NIPA2: variants seen among roughly 807,000 people sequenced by gnomAD.
NIPA2 encodes magnesium transporter NIPA2.
Under a neutral mutation model 29.7 loss-of-function variants are expected in NIPA2, and 11 were observed. The observed-to-expected ratio is 0.37, with a 90% confidence interval of 0.23 to 0.61. The LOEUF is 0.61. NIPA2 is among the 20% of genes least tolerant of loss of function. The pLI, the probability that NIPA2 is intolerant of heterozygous loss-of-function variation, is 0.66. For missense variants in NIPA2, 426 were observed against 437.9 expected (o/e 0.97, Z 0.24); for synonymous variants, 183 against 161.9 (o/e 1.13, Z -0.99).
intron 2 of NIPA2, among the ~76,000 whole-genome samples, chr15:22,840,574 A>G (rs1378451503): frequency 6.6e-6 from 1 of 152,154 alleles, no homozygotes; most frequent in East Asian, 1.9e-4. Flanking sequence ...TGCTGGGATT[A>G]CAGGCGTGAG....
intron 7 of NIPA2, among the ~76,000 whole-genome samples, chr15:22,865,840 T>C (rs890517229): frequency 2.0e-5 from 3 of 151,856 alleles, no homozygotes; most frequent in African/African-American, 7.3e-5. Flanking sequence ...GTGTTTTTTG[T>C]TTTTTTTAGC....
chr15:22,861,476 C>G (rs758292213), intron 7 of NIPA2, among the ~76,000 whole-genome samples: 1 of 152,076 alleles, frequency 6.6e-6, no homozygotes, highest in Non-Finnish European at 1.5e-5. Context: ...TGGTGTCACT[C>G]TAGAGGAGAC....
In NIPA2 at chr15:22,866,478, G is replaced by A; in HGVS notation, c.714G>A (p.Arg238=). 1 of 1,613,846 alleles carries A rather than the reference G, an allele frequency of 6.2e-7. No individual in the cohort carries two copies. The highest frequency in any genetic ancestry group is 8.5e-7 in the Non-Finnish European group (1 of 1,179,894). ...GCACACAGATTAATTACCTAAATAG[G>A]GCCCTGGATATATTCAACACTTCCA... ...CVSTQINYLN[R]ALDIFNTSIV... The change falls in exon 8 of 8, where the codon AGG becomes AGA. Residue 238 remains arginine, a synonymous_variant. Transcript: ENST00000337451.
chr15:22,840,399 G>A (rs1326372414), intron 2 of NIPA2, among the ~76,000 whole-genome samples: 1 of 150,590 alleles, frequency 6.6e-6, no homozygotes, highest in African/African-American at 2.4e-5. Context: ...CTGGGTTCAA[G>A]CGGTTCTCCT....
At chr15:22,847,204 C>A (rs2141113736) in intron 3 of NIPA2, among the ~76,000 whole-genome samples, 1 of 152,100 alleles carries the variant, frequency 6.6e-6, no homozygotes, top group East Asian at 1.9e-4. Flanking sequence ...CCGCGCCCGG[C>A]CTTGTGAGTC....
intron 7 of NIPA2, among the ~76,000 whole-genome samples, chr15:22,861,215 A>G (rs1304067928): frequency 2.0e-5 from 3 of 152,176 alleles, no homozygotes; most frequent in Admixed American, 6.5e-5. Flanking sequence ...CGATCAATGT[A>G]TCATGAAACT....
chr15:22,850,148 T>TTG (rs1053185894), intron 3 of NIPA2, among the ~76,000 whole-genome samples: 3 of 151,994 alleles, frequency 2.0e-5, no homozygotes, highest in African/African-American at 7.3e-5. Context: ...GTAAGCCTGT[T>TTG]TGTGTGTGTG....
At chr15:22,857,268 TAAAAATAC>T (rs373291454) in intron 5 of NIPA2, among the ~76,000 whole-genome samples, 3 of 151,506 alleles carry the variant, frequency 2.0e-5, no homozygotes, top group African/African-American at 7.3e-5. Flanking sequence ...CTGTCTCTAC[TAAAAATAC>T]AAAAATCAGC....
At chr15:22,839,950 C>A in intron 2 of NIPA2, among the ~76,000 whole-genome samples, 160 bp downstream of exon 2, 2 of 152,198 alleles carry the variant, frequency 1.3e-5, no homozygotes, top group Middle Eastern at 6.8e-3. Flanking sequence ...TTTTCTGAGC[C>A]AAGGTCTTGC....
rs575272435 is a variant in NIPA2, at chr15:22,859,331, C to T, written c.287+701C>T. ...TTTTTGAGGCGGAGTCTTGCTCTGT[C>T]GCCCACGCTGGAGTGCAGTGGCACG... On this transcript the variant is annotated intron_variant, in intron 6 of 7. Transcript: ENST00000337451. Among the ~76,000 whole-genome samples the T allele has an allele frequency of 4.2e-4, 54 of 127,104 alleles. 2 individuals are homozygous for T. In the South Asian group the frequency reaches 0.01, roughly 24 times the overall value. 83.4% of individuals were successfully genotyped at this position (127,104 alleles called of 152,430 possible). A position where few individuals can be genotyped will look rare whatever the true frequency, so the allele number is the denominator to read the frequency against.
chr15:22,846,005 T>C (rs960934162), intron 3 of NIPA2, among the ~76,000 whole-genome samples: 2 of 152,138 alleles, frequency 1.3e-5, no homozygotes, highest in Non-Finnish European at 2.9e-5. Flanking sequence ...ATTAAATGAG[T>C]AAAATTCCAT....
At chr15:22,850,661 T>C (rs1255301673) in intron 3 of NIPA2, among the ~76,000 whole-genome samples, 1 of 152,156 alleles carries the variant, frequency 6.6e-6, no homozygotes, top group African/African-American at 2.4e-5. Context: ...TAATATCCAG[T>C]AAATACTGTT....
intron 2 of NIPA2, among the ~76,000 whole-genome samples, chr15:22,844,483 G>T (rs144176999): frequency 1.3e-5 from 2 of 152,082 alleles, no homozygotes; most frequent in East Asian, 1.9e-4. Context: ...GAACCCGGGA[G>T]ACGGAGGTTG....
chr15:22,856,715 A>G (rs781398526), intron 5 of NIPA2, among the ~76,000 whole-genome samples: 4 of 152,328 alleles, frequency 2.6e-5, no homozygotes, highest in Non-Finnish European at 5.9e-5. Context: ...AAAAGATTTC[A>G]TAGGGTTAAT....
chr15:22,840,360 C>T (rs1051134423), intron 2 of NIPA2, among the ~76,000 whole-genome samples: 1 of 149,346 alleles, frequency 6.7e-6, no homozygotes, highest in African/African-American at 2.5e-5. Context: ...TGCAGTGGCA[C>T]GATCTCTGCT....
intron 7 of NIPA2, among the ~76,000 whole-genome samples, chr15:22,863,124 G>T (rs1179976097): frequency 6.6e-6 from 1 of 151,142 alleles, no homozygotes; most frequent in African/African-American, 2.4e-5. Context: ...CGTCACCCAG[G>T]CTGGAGCACA....
chr15:22,859,192 A>T (rs374945758), intron 6 of NIPA2, among the ~76,000 whole-genome samples: 1 of 152,208 alleles, frequency 6.6e-6, no homozygotes, highest in South Asian at 2.1e-4. Context: ...AATAAATAAA[A>T]AATAAGTAAA....
intron 5 of NIPA2, among the ~76,000 whole-genome samples, chr15:22,854,950 T>C (rs1309177461): frequency 1.3e-5 from 2 of 152,172 alleles, no homozygotes; most frequent in Non-Finnish European, 2.9e-5. Flanking sequence ...CTGCTCAATT[T>C]AAGGTAATTT....
chr15:22,848,187 C>A (rs1179568402), intron 3 of NIPA2, among the ~76,000 whole-genome samples: 2 of 152,048 alleles, frequency 1.3e-5, no homozygotes, highest in Non-Finnish European at 2.9e-5. Context: ...GCCAGGAGGG[C>A]TGAAGCGTTT....
Sources: allele counts gnomAD v4.1 joint callset (sites outside exome capture counted in the v4.1 genomes callset), GRCh38; gene constraint gnomAD v4.1.1; transcripts MANE v1.5; gene names NCBI Gene and HGNC (gene_info 2026-07-23, HGNC 2026-07-21).